ST6GALNAC4: variants seen among roughly 807,000 people sequenced by gnomAD.
ST6GALNAC4 encodes alpha-N-acetyl-neuraminyl-2,3-beta-galactosyl-1,3-N-acetyl-galactosaminide alpha-2,6-sialyltransferase.
In ST6GALNAC4, 24 loss-of-function variants were observed where a neutral mutation model predicts 30.4. That is an observed-to-expected ratio of 0.79 (90% CI 0.57 to 1.11). The LOEUF is 1.11. ST6GALNAC4 is among the 50% of genes most tolerant of loss of function. ST6GALNAC4 has a pLI of 0.00. For synonymous variants in ST6GALNAC4, 156 were observed against 179.7 expected (o/e 0.87, Z 1.05); for missense variants, 365 against 430.1 (o/e 0.85, Z 1.34).
At position 127,908,019 on chromosome 9, in the gene ST6GALNAC4, A is replaced by C; in HGVS notation, c.*373T>G. ...GGCCAGCCTGAGAAGTGTGGCACCA[A>C]AAGGTGGTAGGAGCGGCTGGGGAGG... On this transcript the variant is annotated 3_prime_UTR_variant, in exon 6 of 6. Transcript: ENST00000335791. 6.4e-6 allele frequency: 1 copy of C among 157,184 alleles called. No individual in the cohort carries two copies. The highest frequency in any genetic ancestry group is 1.4e-5 in the Non-Finnish European group (1 of 71,468). 9.7% of individuals were successfully genotyped at this position (157,184 alleles called of 1,614,324 possible).
At chr9:127,910,541 G>A (rs912978943) in intron 4 of ST6GALNAC4, 11 of 992,374 alleles carry the variant, frequency 1.1e-5, no homozygotes, top group Admixed American at 6.0e-5. Context: ...GTGAAGTGGA[G>A]ATAATTTTAG....
intron 5 of ST6GALNAC4, among the ~76,000 whole-genome samples, chr9:127,909,071 T>C (rs1189763486): frequency 6.6e-6 from 1 of 151,968 alleles, no homozygotes; most frequent in African/African-American, 2.4e-5. Context: ...TGTTGTGAAC[T>C]CGTTAGTTTC....
In ST6GALNAC4 at chr9:127,912,325, G is replaced by T. The variant is rs150742627; in HGVS notation, c.554C>A (p.Thr185Lys). Residue 185 changes from threonine to lysine, a missense_variant, in exon 4 of 6, where the codon ACG (threonine) becomes AAG (lysine). Transcript: ENST00000335791. ...MYPGLQVYTF[T>K]ERMMAYCDQI... Reference sequence around the variant, plus strand: ...GTCGCAGTAGGCCATCATGCGCTCCGTGAAGGTGTACACCTGCAGGCCGGG... The same window carrying T: ...GTCGCAGTAGGCCATCATGCGCTCCTTGAAGGTGTACACCTGCAGGCCGGG... 3.1e-6 allele frequency: 5 copies of T among 1,613,924 alleles called. No individual in the cohort carries two copies. The African/African-American group carries it at 4.0e-5, about 13-fold the overall frequency.
At chr9:127,912,218 G>A in intron 4 of ST6GALNAC4, 50 bp downstream of exon 4, 2 of 1,560,482 alleles carry the variant, frequency 1.3e-6, no homozygotes, top group Non-Finnish European at 1.7e-6. Context: ...TCCCAGAGAA[G>A]GAAGGCCCCA....
intron 2 of ST6GALNAC4, among the ~76,000 whole-genome samples, chr9:127,915,183 T>C (rs956765821): frequency 6.6e-6 from 1 of 152,198 alleles, no homozygotes; most frequent in African/African-American, 2.4e-5. Flanking sequence ...GGCTAGGGTG[T>C]ACTGTGCGAC....
chr9:127,914,918 T>C, intron 2 of ST6GALNAC4, 77 bp from the exon 3 acceptor site: 1 of 1,335,730 alleles, frequency 7.5e-7, no homozygotes, highest in Non-Finnish European at 9.8e-7. Context: ...GCACCTGGCC[T>C]CCTGGGTCTA....
chr9:127,910,753 C>G (rs1035573163), intron 4 of ST6GALNAC4, among the ~76,000 whole-genome samples: 4 of 152,192 alleles, frequency 2.6e-5, no homozygotes, highest in Non-Finnish European at 5.9e-5. Flanking sequence ...TGAGCCCCAC[C>G]CAGGCCCTGT....
chr9:127,916,375 C>T (rs770412353), intron 2 of ST6GALNAC4, 33 bp downstream of exon 2: 2 of 1,613,926 alleles, frequency 1.2e-6, no homozygotes, highest in East Asian at 4.5e-5. Context: ...GGGGCCTCTG[C>T]GTTCCCTGGA....
chr9:127,908,992 C>T (rs1392819464), intron 5 of ST6GALNAC4, among the ~76,000 whole-genome samples: 1 of 152,196 alleles, frequency 6.6e-6, no homozygotes, highest in Non-Finnish European at 1.5e-5. Flanking sequence ...TCCCCATCAG[C>T]ATCACGGGGG....
Position 127,912,758 on chromosome 9 carries a change from T to C in ST6GALNAC4, c.199-78A>G, listed in dbSNP as rs756114289. 5 of 1,430,062 alleles carry C rather than the reference T, an allele frequency of 3.5e-6. No individual in the cohort carries two copies. In the East Asian group the frequency reaches 1.2e-4, roughly 36 times the overall value. 88.6% of individuals were successfully genotyped at this position (1,430,062 alleles called of 1,614,324 possible). A position where few individuals can be genotyped will look rare whatever the true frequency, so the allele number is the denominator to read the frequency against. ...ACCCCCTGCAGCTCCCCCTGGAATA[T>C]CCACCAATCTTGCTTGATCAGGTAT... On this transcript the variant is annotated intron_variant, in intron 3 of 5. Coordinates refer to ENST00000335791, the MANE Select transcript of ST6GALNAC4 (RefSeq NM_175039.4).
intron 5 of ST6GALNAC4, among the ~76,000 whole-genome samples, chr9:127,909,355 C>A (rs1284806587): frequency 3.3e-5 from 5 of 150,456 alleles, no homozygotes; most frequent in African/African-American, 1.2e-4. Flanking sequence ...CGCCACTGCA[C>A]TCCAGCCTGG....
Position 127,914,690 on chromosome 9 carries a change from T to G in ST6GALNAC4, c.164A>C (p.His55Pro), listed in dbSNP as rs748540202. The G allele has an allele frequency of 6.8e-6, 11 of 1,612,770 alleles. No individual in the cohort carries two copies. The East Asian group carries it at 2.2e-4, about 33-fold the overall frequency. Residue 55 changes from histidine to proline, a missense_variant, in exon 3 of 6, where the codon CAC becomes CCC. His to Pro is a moderately conservative substitution (Grantham distance 77). Transcript: ENST00000335791. ...TGGCACACTGCTATATCCACTGAAGTGCAGGGGTCCCGGCACAGTGGGCCT... is the reference window on the plus strand; with the variant it reads ...TGGCACACTGCTATATCCACTGAAGGGCAGGGGTCCCGGCACAGTGGGCCT... ...GSRPTVPGPL[H>P]FSGYSSVPDG...
rs759357621 is a variant in ST6GALNAC4 at position 127,912,343 on chromosome 9, A to G, written c.536T>C (p.Leu179Pro). 6.2e-7 allele frequency: 1 copy of G among 1,614,132 alleles called. No individual in the cohort carries two copies. Among genetic ancestry groups the G allele is most frequent in the South Asian group, 1.1e-5 (1 of 91,084 alleles). ...LLQLTRMYPG[L>P]QVYTFTERMM... ...GCGCTCCGTGAAGGTGTACACCTGC[A>G]GGCCGGGGTACATCCTGGTGAGCTG... is the stretch of plus-strand genomic sequence containing the variant. The change falls in exon 4 of 6, where the codon CTG becomes CCG. Residue 179 changes from leucine to proline, a missense_variant. Leu to Pro is a moderately conservative substitution (Grantham distance 98). Transcript: ENST00000335791.
intron 3 of ST6GALNAC4, 34 bp from the exon 4 acceptor site, chr9:127,912,714 G>C: frequency 6.6e-7 from 1 of 1,514,354 alleles, no homozygotes; most frequent in Admixed American, 2.0e-5. Flanking sequence ...AGACAGAGAG[G>C]CATGAACACG....
intron 3 of ST6GALNAC4, among the ~76,000 whole-genome samples, chr9:127,914,393 CAAAAA>C (rs35168848): frequency 9.9e-6 from 1 of 101,288 alleles, no homozygotes; most frequent in Non-Finnish European, 1.8e-5. Context: ...AACTCCATCT[CAAAAA>C]AAAAAAAAAA....
chr9:127,912,309 G>C lies in ST6GALNAC4; in HGVS notation c.570C>G (p.Ala190=). The part of the protein sequence containing the change: ...QVYTFTERMM[A]YCDQIFQDET... The stretch of plus-strand genomic sequence containing the variant: ...CGTCCTGGAAGATCTGGTCGCAGTA[G>C]GCCATCATGCGCTCCGTGAAGGTGT... The change falls in exon 4 of 6, where the codon GCC becomes GCG. Residue 190 remains alanine, a synonymous_variant. Transcript: ENST00000335791. 1 of 1,613,726 alleles carries C rather than the reference G, an allele frequency of 6.2e-7. No homozygotes were observed. Among genetic ancestry groups the C allele is most frequent in the Middle Eastern group, 1.7e-4 (1 of 5,902 alleles).
intron 2 of ST6GALNAC4, chr9:127,916,063 C>T (rs996888220): frequency 1.9e-5 from 8 of 422,738 alleles, no homozygotes; most frequent in Non-Finnish European, 3.0e-5. Flanking sequence ...AACTGCCCCC[C>T]ACATCCAGCT....
In ST6GALNAC4 at chr9:127,916,466, G is replaced by A; in HGVS notation, c.-47C>T. The A allele has an allele frequency of 6.2e-7, 1 of 1,613,664 alleles. No individual in the cohort carries two copies. The highest frequency in any genetic ancestry group is 8.5e-7 in the Non-Finnish European group (1 of 1,179,692). ...TCTAGGGGCTGCTGTCTCCAGGGCTGGGGCTGGGAAGGGGTGGGAGCCGGG... is the reference window on the plus strand; with the variant it reads ...TCTAGGGGCTGCTGTCTCCAGGGCTAGGGCTGGGAAGGGGTGGGAGCCGGG... On this transcript the variant is annotated 5_prime_UTR_variant, in exon 2 of 6. Coordinates refer to ENST00000335791, the MANE Select transcript of ST6GALNAC4 (RefSeq NM_175039.4).
chr9:127,910,384 C>T (rs1831050020), intron 4 of ST6GALNAC4: 3 of 1,109,062 alleles, frequency 2.7e-6, no homozygotes, highest in Non-Finnish European at 3.3e-6. Context: ...AGGGACCAGG[C>T]CTGGGGAGAC....
Sources: allele counts gnomAD v4.1 joint callset (sites outside exome capture counted in the v4.1 genomes callset), GRCh38; gene constraint gnomAD v4.1.1; transcripts MANE v1.5; gene names NCBI Gene and HGNC (gene_info 2026-07-23, HGNC 2026-07-21).